GRM8: variants seen among roughly 807,000 people sequenced by gnomAD.
GRM8 encodes the protein metabotropic glutamate receptor 8.
Under a neutral mutation model 87.2 loss-of-function variants are expected in GRM8, and 47 were observed. That is an observed-to-expected ratio of 0.54 (90% confidence interval 0.43 to 0.69). The LOEUF (loss-of-function observed/expected upper bound fraction) is 0.69, where lower values mean the gene tolerates loss of function less well. Among genes scored for constraint, GRM8 ranks in the 30% least tolerant of loss-of-function variants. The pLI, the probability that GRM8 is intolerant of heterozygous loss-of-function variation, is 0.00. For synonymous variants in GRM8, 396 were observed against 404.5 expected, an observed-to-expected ratio of 0.98 and a Z score of 0.25; for missense variants, 1,019 against 1,139.2, an observed-to-expected ratio of 0.89 and a Z score of 1.52.
chr7:127,163,757 C>G (rs1336327020), intron 2 of GRM8, among the ~76,000 whole-genome samples: 2 of 151,960 alleles, frequency 1.3e-5, no homozygotes, highest in Non-Finnish European at 2.9e-5. Context: ...AAAGTAAAAG[C>G]GTTCAGGGTC....
intron 6 of GRM8, among the ~76,000 whole-genome samples, chr7:126,770,679 T>C (rs1227575163): frequency 2.0e-5 from 3 of 152,128 alleles, no homozygotes. Flanking sequence ...TCAGAATAAA[T>C]GTACCTGTGT....
At chr7:127,067,981 T>C (rs1821300089) in intron 3 of GRM8, among the ~76,000 whole-genome samples, 1 of 152,170 alleles carries the variant, frequency 6.6e-6, no homozygotes, top group Non-Finnish European at 1.5e-5. Flanking sequence ...CCTATTTAGG[T>C]AACTGTGCCA....
chr7:127,010,494 CAA>C (rs1262167449), intron 3 of GRM8, among the ~76,000 whole-genome samples: 1 of 151,936 alleles, frequency 6.6e-6, no homozygotes, highest in Non-Finnish European at 1.5e-5. Flanking sequence ...TAAAACCAAA[CAA>C]GAAAAAATAT....
rs374127803 is a variant in GRM8 at position 126,656,279 on chromosome 7, G to A, written c.1358-46781C>T. Among the ~76,000 whole-genome samples the A allele has an allele frequency of 6.6e-5, 10 of 152,242 alleles. No homozygotes were observed. The East Asian group carries it at 1.5e-3, about 24-fold the overall frequency. ...AAAACAGTGAGAAATGTGAAGGAGG[G>A]GCTTAGGCAAAAGCCAGCCTTGACG... is the stretch of plus-strand genomic sequence containing the variant. On this transcript the variant is annotated intron_variant, in intron 7 of 10. Coordinates refer to ENST00000339582, the MANE Select transcript of GRM8 (RefSeq NM_000845.3).
At chr7:126,686,227 A>G (rs189401490) in intron 7 of GRM8, among the ~76,000 whole-genome samples, 94 of 152,010 alleles carry the variant, frequency 6.2e-4, no homozygotes, top group Admixed American at 2.2e-3. Context: ...AAGCTGTTCT[A>G]TTGCTCAGTA....
chr7:126,675,879 A>G (rs373802868), intron 7 of GRM8, among the ~76,000 whole-genome samples: 9 of 152,208 alleles, frequency 5.9e-5, no homozygotes, highest in Admixed American at 2.6e-4. Flanking sequence ...GAGTGCAGGA[A>G]GTCCTAGCCA....
chr7:126,586,485 C>A, intron 8 of GRM8, among the ~76,000 whole-genome samples: 1 of 151,744 alleles, frequency 6.6e-6, no homozygotes, highest in Non-Finnish European at 1.5e-5. Context: ...AACAGAGATA[C>A]AGACCAATGG....
At chr7:126,848,561 C>T (rs1796914572) in intron 6 of GRM8, among the ~76,000 whole-genome samples, 1 of 152,084 alleles carries the variant, frequency 6.6e-6, no homozygotes, top group Non-Finnish European at 1.5e-5. Flanking sequence ...ATGGCTCACA[C>T]CTGTAATCCC....
intron 1 of GRM8, among the ~76,000 whole-genome samples, chr7:127,244,440 T>C (rs1474192686): frequency 6.6e-6 from 1 of 152,212 alleles, no homozygotes; most frequent in Non-Finnish European, 1.5e-5. Context: ...TCACCCTTAA[T>C]TCCGTAAGAT....
chr7:127,015,063 A>G (rs1159115828), intron 3 of GRM8, among the ~76,000 whole-genome samples: 1 of 90,714 alleles, frequency 1.1e-5, no homozygotes, highest in Non-Finnish European at 2.6e-5. Context: ...AAGAAGAAGA[A>G]GAAGAAAGAA....
intron 7 of GRM8, among the ~76,000 whole-genome samples, chr7:126,613,360 TAAC>T (rs1025391894): frequency 3.9e-5 from 6 of 152,128 alleles, no homozygotes; most frequent in African/African-American, 1.4e-4. Flanking sequence ...CAAGGTTTAA[TAAC>T]AACACAGGTA....
chr7:126,942,341 TTCTTTA>T (rs1397428729), intron 3 of GRM8, among the ~76,000 whole-genome samples: 1 of 152,228 alleles, frequency 6.6e-6, no homozygotes, highest in Non-Finnish European at 1.5e-5. Flanking sequence ...TTGTCCTCTC[TTCTTTA>T]TATCACTTGC....
At chr7:126,653,820 C>T (rs561855520) in intron 7 of GRM8, among the ~76,000 whole-genome samples, 3 of 152,306 alleles carry the variant, frequency 2.0e-5, no homozygotes, top group African/African-American at 7.2e-5. Context: ...TATTTATCAT[C>T]TTCAGAAGTA....
chr7:126,688,565 A>G (rs1808419127), intron 7 of GRM8, among the ~76,000 whole-genome samples: 2 of 152,192 alleles, frequency 1.3e-5, no homozygotes, highest in South Asian at 4.1e-4. Context: ...GGGGTGGAGT[A>G]GAGCTGAGCT....
chr7:126,953,841 T>C (rs2131623332), intron 3 of GRM8, among the ~76,000 whole-genome samples: 1 of 152,284 alleles, frequency 6.6e-6, no homozygotes, highest in African/African-American at 2.4e-5. Context: ...TTTAATTTAC[T>C]ATCTGCTAAA....
chr7:126,973,889 A>G (rs1272443954), intron 3 of GRM8, among the ~76,000 whole-genome samples: 1 of 152,196 alleles, frequency 6.6e-6, no homozygotes, highest in Non-Finnish European at 1.5e-5. Flanking sequence ...GTTAACTAGG[A>G]TGCACAGGTC....
At position 126,755,631 on chromosome 7, in the gene GRM8, C is replaced by T. The variant is rs562603714; in HGVS notation, c.1357+14234G>A. Among the ~76,000 whole-genome samples the T allele has an allele frequency of 3.3e-5, 5 of 152,014 alleles. No individual in the cohort carries two copies. The South Asian group carries it at 1.0e-3, about 32-fold the overall frequency. Reference sequence around the variant, plus strand: ...AGTGAAGAAAAGCAAATGTGTTTTCCTCCCTGGTAAAATGAAACAATTACA... The same window carrying T: ...AGTGAAGAAAAGCAAATGTGTTTTCTTCCCTGGTAAAATGAAACAATTACA... On this transcript the variant is annotated intron_variant, in intron 7 of 10. Coordinates refer to ENST00000339582, the MANE Select transcript of GRM8 (RefSeq NM_000845.3).
Position 127,036,027 on chromosome 7 carries a change from G to A in GRM8, c.727+70469C>T, listed in dbSNP as rs147738639. On this transcript the variant is annotated intron_variant, in intron 3 of 10. Coordinates refer to ENST00000339582, the MANE Select transcript of GRM8 (RefSeq NM_000845.3). Reference sequence around the variant, plus strand: ...GCTCTATATTTATCAGTATTATTGCGTTTCACTCGCCTCAAAGATTATGAA... The same window carrying A: ...GCTCTATATTTATCAGTATTATTGCATTTCACTCGCCTCAAAGATTATGAA... 4.1e-3 allele frequency among the ~76,000 whole-genome samples: 618 copies of A among 152,106 alleles called. 5 individuals carry two copies. Among genetic ancestry groups the A allele is most frequent in the African/African-American group, 0.013 (553 of 41,474 alleles).
intron 6 of GRM8, among the ~76,000 whole-genome samples, chr7:126,804,295 T>A (rs1792425249): frequency 6.6e-6 from 1 of 152,252 alleles, no homozygotes; most frequent in Non-Finnish European, 1.5e-5. Context: ...CTTTTCGTTA[T>A]CTTTCCAAAT....
Sources: allele counts gnomAD v4.1 joint callset (sites outside exome capture counted in the v4.1 genomes callset), GRCh38; gene constraint gnomAD v4.1.1; transcripts MANE v1.5; gene names NCBI Gene and HGNC (gene_info 2026-07-23, HGNC 2026-07-21).